The following CMYA5 variants were observed in gnomAD, a reference collection of about 807,000 sequenced individuals.
CMYA5 encodes the protein cardiomyopathy-associated protein 5.
A neutral mutation model predicts 318.9 loss-of-function variants in CMYA5; 246 were observed. The ratio of observed to expected loss-of-function variants is 0.77; its 90% CI spans 0.70 to 0.86. The LOEUF is 0.86. Among genes scored for constraint, CMYA5 ranks in the 40% least tolerant of loss-of-function variants. The pLI is 0.00. For missense variants in CMYA5, 4,589 were observed against 4,678.2 expected (o/e 0.98, Z 0.56); for synonymous variants, 1,641 against 1,729.5 (o/e 0.95, Z 1.27).
At chr5:79,708,087 A>G (rs72768875) in intron 1 of CMYA5, among the ~76,000 whole-genome samples, 324 of 152,322 alleles carry the variant, frequency 2.1e-3, no homozygotes, top group Non-Finnish European at 3.7e-3. Flanking sequence ...CACATTAGTG[A>G]TTATGTTTCA....
chr5:79,757,211 A>G (rs1013909677), intron 6 of CMYA5, among the ~76,000 whole-genome samples: 14 of 151,484 alleles, frequency 9.2e-5, no homozygotes, highest in African/African-American at 3.4e-4. Flanking sequence ...AAAAAAAAAA[A>G]GCATGCTATT....
At position 79,731,563 on chromosome 5, in the gene CMYA5, A is replaced by G. The variant is rs764838267; in HGVS notation, c.2798A>G (p.Asn933Ser). The change falls in exon 2 of 13, where the codon AAT becomes AGT. Residue 933 changes from asparagine to serine, a missense_variant. By Grantham distance (46) the Asn-to-Ser change is conservative. This residue lies in a region of CMYA5 where 2,132 missense variants were observed against 2,131.3 expected (regional missense o/e 1.00). Coordinates refer to ENST00000446378, the MANE Select transcript of CMYA5 (RefSeq NM_153610.5). ...LNLKGASSPMNLSEEDQEDIG... is the reference protein window; with the variant it reads ...LNLKGASSPMSLSEEDQEDIG... ...CTAAAAGGTGCATCCTCACCCATGA[A>G]TTTATCAGAAGAAGATCAAGAAGAC... 3 of 1,610,154 alleles carry G rather than the reference A, an allele frequency of 1.9e-6. No homozygotes were observed. The Admixed American group carries it at 5.0e-5, about 27-fold the overall frequency.
At chr5:79,795,887 T>C (rs1408917280) in intron 12 of CMYA5, among the ~76,000 whole-genome samples, 1 of 152,178 alleles carries the variant, frequency 6.6e-6, no homozygotes, top group Non-Finnish European at 1.5e-5. Flanking sequence ...TGATTATTTT[T>C]TGAAGAGACC....
chr5:79,796,063 A>G (rs1290128221), intron 12 of CMYA5, among the ~76,000 whole-genome samples: 1 of 149,322 alleles, frequency 6.7e-6, no homozygotes, highest in Admixed American at 6.8e-5. Context: ...GGAGACAAGG[A>G]TTCAGGGAAT....
At chr5:79,709,177 G>A (rs1388508805) in intron 1 of CMYA5, among the ~76,000 whole-genome samples, 1 of 152,018 alleles carries the variant, frequency 6.6e-6, no homozygotes, top group Non-Finnish European at 1.5e-5. Flanking sequence ...ACTACTGATA[G>A]GAATGCAAAT....
At chr5:79,778,579 AT>A (rs1193026066) in intron 9 of CMYA5, among the ~76,000 whole-genome samples, 2 of 150,874 alleles carry the variant, frequency 1.3e-5, no homozygotes, top group Non-Finnish European at 3.0e-5. Context: ...TTTCCTAGCA[AT>A]TTTTTTTCTC....
Position 79,732,141 on chromosome 5 carries a change from T to G in CMYA5, c.3376T>G (p.Leu1126Val), listed in dbSNP as rs561084628. 1.2e-6 allele frequency: 2 copies of G among 1,613,972 alleles called. No homozygotes were observed. The highest frequency in any genetic ancestry group is 2.2e-5 in the East Asian group (1 of 44,886). ...QAYLEPESED[L>V]IPSHLTSEVE... ...ATATTTAGAGCCTGAGTCTGAAGACTTGATTCCTTCACATTTAACCAGTGA... is the reference window on the plus strand; with the variant it reads ...ATATTTAGAGCCTGAGTCTGAAGACGTGATTCCTTCACATTTAACCAGTGA... The change falls in exon 2 of 13, where the codon TTG (leucine) becomes GTG (valine). Residue 1126 changes from leucine to valine, a missense_variant. This residue lies in a region of CMYA5 where 2,132 missense variants were observed against 2,131.3 expected (regional missense o/e 1.00). Transcript: ENST00000446378.
Position 79,738,705 on chromosome 5 carries a change from G to C in CMYA5, c.9940G>C (p.Val3314Leu). ...AGAATCAGTAGACCATGTGGAGACC[G>C]TTGGTAACGTAGCGATGCAGAAGAA... is the stretch of plus-strand genomic sequence containing the variant. The part of the protein sequence containing the change: ...EGESVDHVET[V>L]GNVAMQKKAP... Residue 3314 changes from valine to leucine, a missense_variant, in exon 2 of 13, where the codon GTT (valine) becomes CTT (leucine). This residue lies in a region of CMYA5 where 2,431 missense variants were observed against 2,495.1 expected (regional missense o/e 0.97). Coordinates refer to ENST00000446378, the MANE Select transcript of CMYA5 (RefSeq NM_153610.5). 1 of 1,613,952 alleles carries C rather than the reference G, an allele frequency of 6.2e-7. No individual in the cohort carries two copies. Among genetic ancestry groups the C allele is most frequent in the East Asian group, 2.2e-5 (1 of 44,878 alleles).
chr5:79,732,813 A>C lies in CMYA5; in HGVS notation c.4048A>C (p.Ser1350Arg), dbSNP rs573277886. Residue 1350 changes from serine (S) to arginine (R), a missense_variant, in exon 2 of 13, where the codon AGT (serine) becomes CGT (arginine). Ser to Arg is a moderately radical substitution (Grantham distance 110, BLOSUM62 -1). Around this residue, in one of 3 missense-constraint regions of CMYA5, gnomAD observed 2,132 missense variants for 2,131.3 expected, o/e 1.00. Transcript: ENST00000446378. ...SEEIKKEIEPSSSTTTASVTK... is the reference protein window; with the variant it reads ...SEEIKKEIEPRSSTTTASVTK... ...AGAAATTAAAAAAGAAATTGAACCC[A>C]GTTCCTCAACAACTACAGCATCTGT... 67 of 1,613,752 alleles carry C rather than the reference A, an allele frequency of 4.2e-5. 1 individual carries two copies. The highest frequency in any genetic ancestry group is 3.1e-4 in the South Asian group (28 of 91,036).
At chr5:79,691,305 G>C (rs1391113124) in intron 1 of CMYA5, among the ~76,000 whole-genome samples, 2 of 152,210 alleles carry the variant, frequency 1.3e-5, no homozygotes, top group Non-Finnish European at 2.9e-5. Context: ...GGGGAAGTCT[G>C]TCAACTCAGC....
chr5:79,798,233 T>G (rs1401434629), intron 12 of CMYA5, among the ~76,000 whole-genome samples: 1 of 152,088 alleles, frequency 6.6e-6, no homozygotes, highest in African/African-American at 2.4e-5. Context: ...TTGCAAGTCT[T>G]GAAGATCCTC....
chr5:79,690,402 A>G (rs760470184), intron 1 of CMYA5, among the ~76,000 whole-genome samples: 25 of 152,116 alleles, frequency 1.6e-4, no homozygotes, highest in Non-Finnish European at 3.2e-4. Flanking sequence ...CCTGCGCTAG[A>G]GGAGAAGGGG....
intron 1 of CMYA5, among the ~76,000 whole-genome samples, chr5:79,703,680 G>A (rs1580747208): frequency 6.6e-6 from 1 of 152,330 alleles, no homozygotes; most frequent in East Asian, 1.9e-4. Flanking sequence ...GTTGGAAATG[G>A]AGGCAGAGAT....
At chr5:79,759,332 A>G (rs748146652) in intron 7 of CMYA5, among the ~76,000 whole-genome samples, 2 of 152,214 alleles carry the variant, frequency 1.3e-5, no homozygotes, top group African/African-American at 4.8e-5. Context: ...GTGCTCCACA[A>G]TGACCTGAAT....
chr5:79,733,518 C>G lies in CMYA5; in HGVS notation c.4753C>G (p.Leu1585Val). Residue 1585 changes from leucine to valine, a missense_variant, in exon 2 of 13, where the codon CTG (leucine) becomes GTG (valine). Around this residue, in one of 3 missense-constraint regions of CMYA5, gnomAD observed 2,132 missense variants for 2,131.3 expected, o/e 1.00. Coordinates refer to ENST00000446378, the MANE Select transcript of CMYA5 (RefSeq NM_153610.5). ...AGCATCAGGTTTAGCCCCAACATTA[C>G]TGCTCCTCAGTGATGATAAGAACAA... The part of the protein sequence containing the change: ...NLASGLAPTL[L>V]LLSDDKNKPA... 1 of 1,613,930 alleles carries G rather than the reference C, an allele frequency of 6.2e-7. No individual in the cohort carries two copies. Among genetic ancestry groups the G allele is most frequent in the South Asian group, 1.1e-5 (1 of 91,078 alleles).
chr5:79,749,009 C>T (rs1470943977), intron 5 of CMYA5, among the ~76,000 whole-genome samples: 1 of 152,086 alleles, frequency 6.6e-6, no homozygotes, highest in Non-Finnish European at 1.5e-5. Flanking sequence ...ATGTTTTTAC[C>T]TTTCTAACCA....
chr5:79,775,450 A>T (rs1828921434), intron 9 of CMYA5, among the ~76,000 whole-genome samples: 1 of 152,196 alleles, frequency 6.6e-6, no homozygotes, highest in Non-Finnish European at 1.5e-5. Context: ...TGCAGGACTG[A>T]AGAGACTGAA....
chr5:79,732,132 T>C lies in CMYA5; in HGVS notation c.3367T>C (p.Ser1123Pro). The C allele has an allele frequency of 6.2e-7, 1 of 1,613,944 alleles. No homozygotes were observed. Among genetic ancestry groups the C allele is most frequent in the Non-Finnish European group, 8.5e-7 (1 of 1,179,858 alleles). ...AACTCAAGCATATTTAGAGCCTGAG[T>C]CTGAAGACTTGATTCCTTCACATTT... ...QKTQAYLEPE[S>P]EDLIPSHLTS... The change falls in exon 2 of 13, where the codon TCT (serine) becomes CCT (proline). Residue 1123 changes from serine (S) to proline (P), a missense_variant. Ser to Pro is a moderately conservative substitution (Grantham distance 74). Around this residue, in one of 3 missense-constraint regions of CMYA5, gnomAD observed 2,132 missense variants for 2,131.3 expected, o/e 1.00. Transcript: ENST00000446378.
intron 1 of CMYA5, among the ~76,000 whole-genome samples, chr5:79,708,509 C>T (rs1827318175): frequency 6.6e-6 from 1 of 152,034 alleles, no homozygotes; most frequent in African/African-American, 2.4e-5. Context: ...CCTGTAGTCC[C>T]AGCTACTTGG....
Sources: gnomAD v4.1 joint callset for allele counts (sites outside exome capture counted in the v4.1 genomes callset) on GRCh38, gnomAD v4.1.1 for gene constraint, gnomAD v4.1.1 regional missense constraint, MANE v1.5 for transcripts, NCBI Gene and HGNC (gene_info 2026-07-23, HGNC 2026-07-21) for gene names.